TRAPPC3: variants seen among roughly 807,000 people sequenced by gnomAD.
TRAPPC3 encodes the protein trafficking protein particle complex subunit 3, also known as trafficking protein particle complex 3.
A neutral mutation model predicts 18.2 loss-of-function variants in TRAPPC3; 5 were observed. The observed-to-expected ratio is 0.28, with a 90% CI of 0.14 to 0.58. TRAPPC3 has a LOEUF of 0.58. Ranked by LOEUF, TRAPPC3 falls within the 20% of genes least tolerant of loss-of-function variation. The pLI is 0.91. For missense variants in TRAPPC3, 176 were observed against 225.9 expected, an observed-to-expected ratio of 0.78 and a Z score of 1.41; for synonymous variants, 65 against 84.2, an observed-to-expected ratio of 0.77 and a Z score of 1.25.
chr1:36,145,918 C>T (rs368835798), intron 1 of TRAPPC3, among the ~76,000 whole-genome samples: 561 of 148,850 alleles, frequency 3.8e-3, no homozygotes, highest in African/African-American at 8.5e-3. Context: ...GGACTACAGG[C>T]GGCCGCCACC....
In TRAPPC3 at chr1:36,155,176, C is replaced by T. The variant is rs1644306799; in HGVS notation, c.-97+707G>A. On this transcript the variant is annotated intron_variant, in intron 1 of 4. Transcript: ENST00000617904. ...AAGGGCAGGGCCAGGGTGGGCAGGG[C>T]ACAGCTGCCCCTCCTCCTCCCCCGC... Among the ~76,000 whole-genome samples the T allele has an allele frequency of 2.0e-5, 3 of 152,194 alleles. No homozygotes were observed. The South Asian group carries it at 6.2e-4, about 32-fold the overall frequency.
chr1:36,149,072 C>T (rs966100324), intron 1 of TRAPPC3: 63 of 1,383,804 alleles, frequency 4.6e-5, no homozygotes, highest in Admixed American at 3.9e-4. Flanking sequence ...AGTTAAGTGG[C>T]AGTTATTGGT....
chr1:36,151,054 C>T (rs1644267221), upstream of TRAPPC3, among the ~76,000 whole-genome samples: 1 of 152,184 alleles, frequency 6.6e-6, no homozygotes, highest in African/African-American at 2.4e-5. Flanking sequence ...GAGGTGGAGC[C>T]TTTCCCTGCC....
At chr1:36,151,047 G>A (rs1382849062), upstream of TRAPPC3, among the ~76,000 whole-genome samples, 1 of 152,198 alleles carries the variant, frequency 6.6e-6, no homozygotes, top group Non-Finnish European at 1.5e-5. Flanking sequence ...GAGAGTGGAG[G>A]TGGAGCCTTT....
chr1:36,144,202 T>C (rs1644158092), intron 1 of TRAPPC3, among the ~76,000 whole-genome samples: 1 of 136,634 alleles, frequency 7.3e-6, no homozygotes, highest in Admixed American at 8.7e-5. Flanking sequence ...GCAGGAGAAT[T>C]GCTTGAACCC....
At chr1:36,152,603 G>A (rs1035849573), upstream of TRAPPC3, among the ~76,000 whole-genome samples, 1 of 151,174 alleles carries the variant, frequency 6.6e-6, no homozygotes, top group Non-Finnish European at 1.5e-5. Context: ...AGCCACCCCC[G>A]CCTGGCCAAA....
At chr1:36,139,154 G>GTTT (rs1557757375) in intron 3 of TRAPPC3, among the ~76,000 whole-genome samples, 1 of 141,620 alleles carries the variant, frequency 7.1e-6, no homozygotes, top group African/African-American at 2.8e-5. Flanking sequence ...TTGTGAGTCT[G>GTTT]TATTTTTTTT....
chr1:36,153,446 A>C (rs889004916), upstream of TRAPPC3, among the ~76,000 whole-genome samples: 3 of 152,126 alleles, frequency 2.0e-5, no homozygotes, highest in Non-Finnish European at 4.4e-5. Flanking sequence ...GGAAACCTTC[A>C]GGTCTGGCCA....
At chr1:36,151,893 A>G (rs1644273799), upstream of TRAPPC3, among the ~76,000 whole-genome samples, 2 of 152,056 alleles carry the variant, frequency 1.3e-5, no homozygotes, top group South Asian at 4.1e-4. Context: ...CCTCCCCAAG[A>G]GCTGGACAGG....
At position 36,137,883 on chromosome 1, in the gene TRAPPC3, C is replaced by T; in HGVS notation, c.336G>A (p.Leu112=). ...EFSLILENNP[L]VDFVELPDNH... is the part of the protein sequence containing the mutation. Reference sequence around the variant, plus strand: ...TATCAGGAAGTTCCACAAAGTCCACCAAGGGGTTATTTTCCAAAATGAGGG... The same window carrying T: ...TATCAGGAAGTTCCACAAAGTCCACTAAGGGGTTATTTTCCAAAATGAGGG... The change falls in exon 4 of 5, where the codon TTG becomes TTA. Residue 112 remains leucine, a synonymous_variant. Transcript: ENST00000373166. 3 of 1,614,158 alleles carry T rather than the reference C, an allele frequency of 1.9e-6. No individual in the cohort carries two copies. Among genetic ancestry groups the T allele is most frequent in the Non-Finnish European group, 2.5e-6 (3 of 1,180,030 alleles).
upstream of TRAPPC3, among the ~76,000 whole-genome samples, chr1:36,154,438 T>C (rs1163603059): frequency 3.3e-5 from 5 of 152,162 alleles, no homozygotes; most frequent in Non-Finnish European, 7.3e-5. Context: ...TCTCTCCCCA[T>C]ACGTGTTCCT....
At chr1:36,152,204 A>T (rs1644276252), upstream of TRAPPC3, among the ~76,000 whole-genome samples, 1 of 151,634 alleles carries the variant, frequency 6.6e-6, no homozygotes, top group African/African-American at 2.4e-5. Context: ...CATCAGGTTC[A>T]TCCTGGATCC....
intron 3 of TRAPPC3, 181 bp from the exon 4 acceptor site, chr1:36,138,159 C>G (rs1644053300): frequency 1.3e-6 from 2 of 1,551,484 alleles, no homozygotes; most frequent in Admixed American, 3.9e-5. Flanking sequence ...TGCTGCACCC[C>G]TCTCCTTCAC....
chr1:36,137,820 C>A lies in TRAPPC3; in HGVS notation c.399G>T (p.Gly133=). Residue 133 remains glycine (G), a synonymous_variant, in exon 4 of 5, where the codon GGG becomes GGT. Coordinates refer to ENST00000373166, the MANE Select transcript of TRAPPC3 (RefSeq NM_014408.5). Reference sequence around the variant, plus strand: ...CCATCTCCAAAGCTCCCCGCAACACCCCACACAAGAGATTGGAATAAATAA... The same window carrying A: ...CCATCTCCAAAGCTCCCCGCAACACACCACACAAGAGATTGGAATAAATAA... ...SSLIYSNLLC[G]VLRGALEMVQ... is the part of the protein sequence containing the mutation. 1 of 1,614,034 alleles carries A rather than the reference C, an allele frequency of 6.2e-7. No individual in the cohort carries two copies. Among genetic ancestry groups the A allele is most frequent in the South Asian group, 1.1e-5 (1 of 91,060 alleles).
At chr1:36,144,215 G>A (rs1202481052) in intron 1 of TRAPPC3, among the ~76,000 whole-genome samples, 1 of 149,934 alleles carries the variant, frequency 6.7e-6, no homozygotes, top group Non-Finnish European at 1.5e-5. Flanking sequence ...TTGAACCCAG[G>A]AGGCGGAGGT....
intron 1 of TRAPPC3, among the ~76,000 whole-genome samples, chr1:36,154,994 T>G (rs1176836688): frequency 6.6e-6 from 1 of 152,148 alleles, no homozygotes; most frequent in African/African-American, 2.4e-5. Flanking sequence ...CCCCTGACCC[T>G]TTTGTTTCCC....
At chr1:36,149,672 G>A (rs545946250), upstream of TRAPPC3, among the ~76,000 whole-genome samples, 40 of 152,382 alleles carry the variant, frequency 2.6e-4, no homozygotes, top group African/African-American at 8.4e-4. Context: ...GTAGAGCCCA[G>A]CTTGCGCTGG....
upstream of TRAPPC3, among the ~76,000 whole-genome samples, chr1:36,152,188 T>C (rs891151560): frequency 6.6e-6 from 1 of 152,104 alleles, no homozygotes; most frequent in African/African-American, 2.4e-5. Flanking sequence ...ATTTCCTTCA[T>C]CTCTCCATCA....
In TRAPPC3 at chr1:36,136,994, G is replaced by C; in HGVS notation, c.*209C>G. The C allele has an allele frequency of 2.1e-6, 1 of 470,246 alleles. No individual in the cohort carries two copies. Among genetic ancestry groups the C allele is most frequent in the African/African-American group, 2.0e-5 (1 of 51,238 alleles). 29.1% of individuals were successfully genotyped at this position (470,246 alleles called of 1,614,324 possible). Reference sequence around the variant, plus strand: ...ATCCAGCCCCTCTCAAGGGAATGGGGGCAGAGACTGTCGCTCCTGAATGTG... The same window carrying C: ...ATCCAGCCCCTCTCAAGGGAATGGGCGCAGAGACTGTCGCTCCTGAATGTG... On this transcript the variant is annotated 3_prime_UTR_variant, in exon 5 of 5. Transcript: ENST00000373166.
Sources: gnomAD v4.1 joint callset for allele counts (sites outside exome capture counted in the v4.1 genomes callset) on GRCh38, gnomAD v4.1.1 for gene constraint, MANE v1.5 for transcripts, NCBI Gene and HGNC (gene_info 2026-07-23, HGNC 2026-07-21) for gene names.